Variants in TSPAN9 observed in about 807,000 individuals in gnomAD.
TSPAN9 encodes tetraspanin 9.
In TSPAN9, 16 loss-of-function variants were observed where a neutral mutation model predicts 31.0. The observed-to-expected ratio is 0.52, with a 90% confidence interval of 0.35 to 0.78. The LOEUF (loss-of-function observed/expected upper bound fraction) is 0.78. Among genes scored for constraint, TSPAN9 ranks in the 30% least tolerant of loss-of-function variants. The pLI is 0.01. For synonymous variants in TSPAN9, 145 were observed against 121.6 expected (o/e 1.19, Z -1.27); for missense variants, 272 against 312.5 (o/e 0.87, Z 0.98).
At chr12:3,087,853 C>G (rs989775592) in intron 2 of TSPAN9, among the ~76,000 whole-genome samples, 1 of 152,150 alleles carries the variant, frequency 6.6e-6, no homozygotes, top group African/African-American at 2.4e-5. Flanking sequence ...GTGCCTTCCC[C>G]TTAGATGGCA....
At chr12:3,111,605 CTTTTTTTTTTT>C (rs59487749) in intron 2 of TSPAN9, among the ~76,000 whole-genome samples, 1 of 136,136 alleles carries the variant, frequency 7.3e-6, no homozygotes, top group Non-Finnish European at 1.6e-5. Flanking sequence ...CGTGCATTAC[CTTTTTTTTTTT>C]TTTTTTTTTG....
At chr12:3,195,557 GGAT>G (rs1475346974) in intron 2 of TSPAN9, among the ~76,000 whole-genome samples, 2 of 152,146 alleles carry the variant, frequency 1.3e-5, no homozygotes, top group African/African-American at 4.8e-5. Context: ...GCTGCCAGAG[GGAT>G]GATGTCTCAC....
intron 2 of TSPAN9, among the ~76,000 whole-genome samples, chr12:3,088,972 C>G (rs1431882133): frequency 1.3e-5 from 2 of 151,836 alleles, no homozygotes; most frequent in African/African-American, 4.8e-5. Context: ...ATGGCTCACG[C>G]CTGTAATCCC....
At chr12:3,164,959 G>A (rs11832275) in intron 2 of TSPAN9, among the ~76,000 whole-genome samples, 1 of 152,142 alleles carries the variant, frequency 6.6e-6, no homozygotes, top group Non-Finnish European at 1.5e-5. Flanking sequence ...GGGCTTCTCA[G>A]GTCCCTTCAA....
chr12:3,115,314 A>G (rs759553584), intron 2 of TSPAN9, among the ~76,000 whole-genome samples: 27 of 152,164 alleles, frequency 1.8e-4, no homozygotes, highest in Non-Finnish European at 3.4e-4. Context: ...CATTTTGTTT[A>G]TCTGTACCCA....
intron 3 of TSPAN9, among the ~76,000 whole-genome samples, chr12:3,275,732 CGTG>C (rs1258508352): frequency 6.6e-6 from 1 of 152,204 alleles, no homozygotes; most frequent in East Asian, 1.9e-4. Context: ...GGAGCCCTGA[CGTG>C]GTTCCATGTG....
At chr12:3,103,994 C>T (rs541485773) in intron 2 of TSPAN9, among the ~76,000 whole-genome samples, 7 of 152,190 alleles carry the variant, frequency 4.6e-5, no homozygotes, top group Non-Finnish European at 1.0e-4. Flanking sequence ...GTCAGGGAGC[C>T]GTGAAGGCGT....
At chr12:3,230,801 C>T (rs939471335) in intron 3 of TSPAN9, among the ~76,000 whole-genome samples, 8 of 152,246 alleles carry the variant, frequency 5.3e-5, no homozygotes, top group East Asian at 3.9e-4. Context: ...ATCCTCAGTT[C>T]CCCCGAGGAG....
At chr12:3,179,673 A>G (rs2098357687) in intron 2 of TSPAN9, among the ~76,000 whole-genome samples, 1 of 152,140 alleles carries the variant, frequency 6.6e-6, no homozygotes, top group Admixed American at 6.5e-5. Context: ...ATTTTTTTAA[A>G]CCAACATTGA....
chr12:3,095,235 T>C (rs1393808177), intron 2 of TSPAN9, among the ~76,000 whole-genome samples: 1 of 130,844 alleles, frequency 7.6e-6, no homozygotes, highest in Non-Finnish European at 1.7e-5. Context: ...TTTTTCTTAG[T>C]GCAGAACAAA....
chr12:3,267,291 A>C (rs1862554601), intron 3 of TSPAN9, among the ~76,000 whole-genome samples: 1 of 152,212 alleles, frequency 6.6e-6, no homozygotes, highest in South Asian at 2.1e-4. Flanking sequence ...TACAGCATTT[A>C]TATTCTGAGG....
At chr12:3,124,910 TAAATTAGTC>T (rs1305432731) in intron 2 of TSPAN9, 1 of 151,862 alleles carries the variant, frequency 6.6e-6, no homozygotes, top group Non-Finnish European at 1.5e-5. Context: ...AAATTTTTAA[TAAATTAGTC>T]AGGTATAGGG....
At chr12:3,198,224 TCAC>T (rs2098368415) in intron 2 of TSPAN9, among the ~76,000 whole-genome samples, 1 of 32,886 alleles carries the variant, frequency 3.0e-5, no homozygotes, top group Non-Finnish European at 5.8e-5. Context: ...CCAGCACAGG[TCAC>T]CACCAGCACA....
chr12:3,260,676 C>A (rs573621377), intron 3 of TSPAN9, among the ~76,000 whole-genome samples: 1 of 152,290 alleles, frequency 6.6e-6, no homozygotes, highest in East Asian at 1.9e-4. Flanking sequence ...ATCTGCAGGG[C>A]AAAATGTGTT....
intron 3 of TSPAN9, among the ~76,000 whole-genome samples, chr12:3,235,125 G>A (rs1247305674): frequency 2.7e-5 from 2 of 74,612 alleles, no homozygotes; most frequent in African/African-American, 8.0e-5. Flanking sequence ...GGAGCTTGCA[G>A]TGAGCAGAGC....
intron 3 of TSPAN9, among the ~76,000 whole-genome samples, chr12:3,253,681 G>A (rs1449933513): frequency 2.0e-5 from 3 of 152,258 alleles, no homozygotes; most frequent in Non-Finnish European, 4.4e-5. Flanking sequence ...TCCACAGGGT[G>A]ACAGGTGGGA....
chr12:3,141,973 G>A (rs773604433), intron 2 of TSPAN9, among the ~76,000 whole-genome samples: 15 of 152,276 alleles, frequency 9.9e-5, no homozygotes, highest in African/African-American at 2.9e-4. Context: ...TCTGTCTGGC[G>A]CTTTCCCATG....
At chr12:3,240,106 G>T (rs3782802) in intron 3 of TSPAN9, among the ~76,000 whole-genome samples, 70,119 of 151,452 alleles carry the variant, frequency 0.46, 16,457 homozygotes, top group Non-Finnish European at 0.5. Context: ...GAACCCTTGC[G>T]TAACCCTCAC....
chr12:3,083,112 A>G (rs2098298714), intron 1 of TSPAN9, among the ~76,000 whole-genome samples: 1 of 152,156 alleles, frequency 6.6e-6, no homozygotes, highest in African/African-American at 2.4e-5. Flanking sequence ...TTTATTTCTC[A>G]CTTGATGGCC....
Sources: allele counts gnomAD v4.1 joint callset (sites outside exome capture counted in the v4.1 genomes callset), GRCh38; gene constraint gnomAD v4.1.1; transcripts MANE v1.5; gene names NCBI Gene and HGNC (gene_info 2026-07-23, HGNC 2026-07-21).